The following SYT16 variants were observed in gnomAD, a reference collection of about 807,000 sequenced individuals.
The protein encoded by SYT16 is synaptotagmin-16.
SYT16 carries 42 observed loss-of-function variants against 61.4 expected under a neutral mutation model. That is an observed-to-expected ratio of 0.68 (90% confidence interval 0.53 to 0.89). The LOEUF (loss-of-function observed/expected upper bound fraction) is 0.89. Ranked by LOEUF, SYT16 falls within the 40% of genes least tolerant of loss-of-function variation. The probability of loss-of-function intolerance (pLI) is 0.00; values close to 1 mark genes in which losing one functional copy is unlikely to be tolerated. For missense variants in SYT16, 804 were observed against 807.3 expected (o/e 1.00, Z 0.05); for synonymous variants, 314 against 302.3 (o/e 1.04, Z -0.40).
At chr14:62,089,229 G>A (rs2056987583) in intron 7 of SYT16, among the ~76,000 whole-genome samples, 1 of 151,566 alleles carries the variant, frequency 6.6e-6, no homozygotes, top group South Asian at 2.1e-4. Flanking sequence ...TGAGGCAGGA[G>A]AATTGCTGGA....
chr14:61,945,262 T>C (rs1044204713), intron 1 of SYT16, among the ~76,000 whole-genome samples: 5 of 152,166 alleles, frequency 3.3e-5, no homozygotes, highest in Non-Finnish European at 2.9e-5. Context: ...TGTGGAGAAA[T>C]AGGAACGTTT....
intron 1 of SYT16, among the ~76,000 whole-genome samples, chr14:61,943,998 C>G (rs1306569091): frequency 1.3e-5 from 2 of 152,172 alleles, no homozygotes; most frequent in African/African-American, 2.4e-5. Flanking sequence ...CATCTCAGCC[C>G]AAAATCTCCT....
intron 3 of SYT16, among the ~76,000 whole-genome samples, chr14:62,033,328 G>A (rs1225689281): frequency 6.6e-6 from 1 of 152,034 alleles, no homozygotes; most frequent in African/African-American, 2.4e-5. Flanking sequence ...ACTGATAAGT[G>A]TATAAATCTT....
intron 1 of SYT16, among the ~76,000 whole-genome samples, chr14:61,899,621 G>C (rs529070022): frequency 1.3e-5 from 2 of 152,292 alleles, no homozygotes; most frequent in Non-Finnish European, 1.5e-5. Flanking sequence ...TGCTCATAGA[G>C]AATTTGAAAG....
At position 62,108,595 on chromosome 14, in the gene SYT16, T is replaced by G. The variant is rs2057552266; in HGVS notation, c.*7888T>G. On this transcript the variant is annotated 3_prime_UTR_variant, in exon 8 of 8. Coordinates refer to ENST00000683842, the MANE Select transcript of SYT16 (RefSeq NM_001367656.1). Reference sequence around the variant, plus strand: ...CATTTCCTTGTGGGTTATGATAATCTTTATTAATTCACAACTCTACCAAAT... The same window carrying G: ...CATTTCCTTGTGGGTTATGATAATCGTTATTAATTCACAACTCTACCAAAT... 6.6e-6 allele frequency: 1 copy of G among 152,208 alleles called. No individual in the cohort carries two copies. The highest frequency in any genetic ancestry group is 1.5e-5 in the Non-Finnish European group (1 of 68,020). The allele number at this position is 152,208 out of a possible 1,614,324, so 9.4% of individuals were successfully genotyped here. A position where few individuals can be genotyped will look rare whatever the true frequency, so the allele number is the denominator to read the frequency against.
chr14:61,813,804 A>ATT lies in SYT16; in HGVS notation c.-325+1012_-325+1013dup, dbSNP rs570260110. 7.2e-3 allele frequency among the ~76,000 whole-genome samples: 936 copies of ATT among 130,484 alleles called. 6 individuals carry two copies. Among genetic ancestry groups the ATT allele is most frequent in the South Asian group, 0.011 (42 of 4,000 alleles). The allele number at this position is 130,484 out of a possible 152,430, so 85.6% of individuals were successfully genotyped here. A position where few individuals can be genotyped will look rare whatever the true frequency, so the allele number is the denominator to read the frequency against. ...TGGCTACAGAGGCCCTTTGGAAGGT[A>ATT]TTTTTTTTTTTTTTTTTTTGAGAGG... On this transcript the variant is annotated intron_variant, in intron 1 of 7. Coordinates refer to ENST00000683842, the MANE Select transcript of SYT16 (RefSeq NM_001367656.1).
chr14:62,014,508 A>G (rs2053587755), intron 3 of SYT16, among the ~76,000 whole-genome samples: 1 of 151,830 alleles, frequency 6.6e-6, no homozygotes, highest in South Asian at 2.1e-4. Context: ...GTCTCAGCTC[A>G]CTGCAACCTC....
intron 3 of SYT16, among the ~76,000 whole-genome samples, chr14:62,048,254 T>C (rs1338934035): frequency 2.0e-5 from 3 of 152,244 alleles, no homozygotes. Flanking sequence ...ATTTTCTAGT[T>C]TATTTGCATG....
At chr14:61,862,033 A>G (rs1594777798) in intron 1 of SYT16, among the ~76,000 whole-genome samples, 1 of 149,724 alleles carries the variant, frequency 6.7e-6, no homozygotes, top group African/African-American at 2.4e-5. Context: ...TAAAAAAAAC[A>G]CACACAATAT....
intron 2 of SYT16, among the ~76,000 whole-genome samples, chr14:61,970,682 C>A (rs1413088271): frequency 6.6e-6 from 1 of 152,168 alleles, no homozygotes; most frequent in Non-Finnish European, 1.5e-5. Context: ...GTCACTTTTC[C>A]AAAGGGAGGT....
intron 1 of SYT16, among the ~76,000 whole-genome samples, chr14:61,887,763 G>C (rs578119210): frequency 6.6e-6 from 1 of 152,158 alleles, no homozygotes; most frequent in African/African-American, 2.4e-5. Flanking sequence ...AAGAGAGTTC[G>C]GGCCTTGCTC....
At chr14:61,899,034 A>T (rs1395135904) in intron 1 of SYT16, among the ~76,000 whole-genome samples, 1 of 152,220 alleles carries the variant, frequency 6.6e-6, no homozygotes, top group Non-Finnish European at 1.5e-5. Flanking sequence ...TTATGGTTGT[A>T]AAATTTGTCC....
chr14:61,973,900 C>T (rs1482277817), intron 2 of SYT16, among the ~76,000 whole-genome samples: 1 of 152,072 alleles, frequency 6.6e-6, no homozygotes, highest in Non-Finnish European at 1.5e-5. Context: ...CTGGACCAGA[C>T]CCTGAGAAGG....
intron 4 of SYT16, among the ~76,000 whole-genome samples, chr14:62,073,698 C>T (rs1328666080): frequency 6.6e-6 from 1 of 152,052 alleles, no homozygotes; most frequent in African/African-American, 2.4e-5. Flanking sequence ...TTTGTATGGT[C>T]TGGTTGATAA....
intron 1 of SYT16, among the ~76,000 whole-genome samples, chr14:61,960,161 T>C (rs1157193480): frequency 6.6e-6 from 1 of 152,214 alleles, no homozygotes; most frequent in African/African-American, 2.4e-5. Flanking sequence ...GGTTTTTTGC[T>C]TAGGATTGCC....
chr14:62,084,339 G>A lies in SYT16; in HGVS notation c.1578G>A (p.Met526Ile), dbSNP rs1453105434. 1 of 1,613,318 alleles carries A rather than the reference G, an allele frequency of 6.2e-7. No homozygotes were observed. Among genetic ancestry groups the A allele is most frequent in the East Asian group, 2.2e-5 (1 of 44,858 alleles). Residue 526 changes from methionine (M) to isoleucine (I), a missense_variant, in exon 7 of 8, where the codon ATG (methionine) becomes ATA (isoleucine). Met to Ile is a conservative substitution (Grantham distance 10, BLOSUM62 1). Transcript: ENST00000683842. ...CAACGGGGCGATTATCTGTGGAAAT[G>A]ATCAAAGGCAGCCATTTCCGAAACC... is the stretch of plus-strand genomic sequence containing the variant. ...NATTGRLSVE[M>I]IKGSHFRNLA...
At chr14:61,899,497 G>T (rs146832927) in intron 1 of SYT16, among the ~76,000 whole-genome samples, 1 of 152,210 alleles carries the variant, frequency 6.6e-6, no homozygotes, top group Non-Finnish European at 1.5e-5. Context: ...TTAACACATG[G>T]AAGGTACTCA....
intron 1 of SYT16, among the ~76,000 whole-genome samples, chr14:61,852,702 T>C (rs971708886): frequency 6.6e-6 from 1 of 152,210 alleles, no homozygotes; most frequent in Non-Finnish European, 1.5e-5. Context: ...AATTCATTCA[T>C]GATTTGGCTC....
At chr14:61,828,884 G>A (rs1335293592) in intron 1 of SYT16, among the ~76,000 whole-genome samples, 1 of 152,054 alleles carries the variant, frequency 6.6e-6, no homozygotes, top group African/African-American at 2.4e-5. Flanking sequence ...AACACTGTTA[G>A]GCCCAAAGCA....
Sources: gnomAD v4.1 joint callset for allele counts (sites outside exome capture counted in the v4.1 genomes callset) on GRCh38, gnomAD v4.1.1 for gene constraint, MANE v1.5 for transcripts, NCBI Gene and HGNC (gene_info 2026-07-23, HGNC 2026-07-21) for gene names.